HSD17B11: variants seen among roughly 807,000 people sequenced by gnomAD.
The protein encoded by HSD17B11 is hydroxysteroid 17-beta dehydrogenase 11, also known as estradiol 17-beta-dehydrogenase 11.
In HSD17B11, 22 loss-of-function variants were observed where a neutral mutation model predicts 27.8. The observed-to-expected ratio is 0.79, with a 90% confidence interval of 0.56 to 1.13. The LOEUF is 1.13. Ranked by LOEUF, HSD17B11 falls within the 50% of genes most tolerant of loss-of-function variation. HSD17B11 has a pLI of 0.00. For missense variants in HSD17B11, 314 were observed against 351.1 expected, an observed-to-expected ratio of 0.89 and a Z score of 0.84; for synonymous variants, 117 against 132.8, an observed-to-expected ratio of 0.88 and a Z score of 0.82.
At chr4:87,370,445 C>A (rs938989069) in intron 4 of HSD17B11, among the ~76,000 whole-genome samples, 1 of 151,884 alleles carries the variant, frequency 6.6e-6, no homozygotes, top group African/African-American at 2.4e-5. Flanking sequence ...GAGACGAAGT[C>A]TCTCTCTGTT....
intron 4 of HSD17B11, 148 bp from the exon 5 acceptor site, chr4:87,357,564 T>TA: frequency 1.5e-6 from 1 of 648,114 alleles, no homozygotes; most frequent in Non-Finnish European, 2.5e-6. Context: ...GCCCACATCT[T>TA]ACAAGATTCT....
intron 2 of HSD17B11, among the ~76,000 whole-genome samples, chr4:87,380,863 C>CAAAAAAAA (rs561938045): frequency 3.3e-4 from 25 of 74,724 alleles, no homozygotes; most frequent in African/African-American, 9.2e-4. Context: ...GACTCTATCT[C>CAAAAAAAA]AAAAAAAAAA....
At chr4:87,364,037 GA>G (rs915135804) in intron 4 of HSD17B11, among the ~76,000 whole-genome samples, 1 of 152,180 alleles carries the variant, frequency 6.6e-6, no homozygotes, top group Non-Finnish European at 1.5e-5. Context: ...ATTAAAAGTG[GA>G]ATAAGCTATA....
At chr4:87,380,127 CTGATACTAAAA>C (rs1041681534) in intron 2 of HSD17B11, among the ~76,000 whole-genome samples, 10 of 137,366 alleles carry the variant, frequency 7.3e-5, no homozygotes, top group Admixed American at 3.0e-4. Context: ...AAAAAACGTT[CTGATACTAAAA>C]TGATACTAAA....
At chr4:87,365,540 A>G (rs1000421931) in intron 4 of HSD17B11, among the ~76,000 whole-genome samples, 3 of 152,206 alleles carry the variant, frequency 2.0e-5, no homozygotes, top group Non-Finnish European at 2.9e-5. Flanking sequence ...GCCCCTGGCT[A>G]TGCTGGAGAG....
intron 1 of HSD17B11, among the ~76,000 whole-genome samples, chr4:87,383,527 T>C (rs111464629): frequency 0.035 from 5,260 of 152,134 alleles, 335 homozygotes; most frequent in African/African-American, 0.12. Flanking sequence ...TGAGGAAGGA[T>C]GGGAAGGAGC....
chr4:87,379,176 T>C lies in HSD17B11; in HGVS notation c.318+3079A>G, dbSNP rs976783220. 2.7e-5 allele frequency among the ~76,000 whole-genome samples: 4 copies of C among 148,868 alleles called. No individual in the cohort carries two copies. The East Asian group carries it at 7.9e-4, about 29-fold the overall frequency. On this transcript the variant is annotated intron_variant, in intron 2 of 6. Transcript: ENST00000358290. ...TTCATCATATTGGCCAGGCTGGTCTTGAACTCCTGACTTCAGGTGACCATG... is the reference window on the plus strand; with the variant it reads ...TTCATCATATTGGCCAGGCTGGTCTCGAACTCCTGACTTCAGGTGACCATG...
At chr4:87,345,363 G>A (rs1260193826) in intron 5 of HSD17B11, among the ~76,000 whole-genome samples, 1 of 150,838 alleles carries the variant, frequency 6.6e-6, no homozygotes, top group Non-Finnish European at 1.5e-5. Flanking sequence ...ATTAAAAAAA[G>A]AAGAAGATCT....
chr4:87,389,072 C>T (rs1401878788), intron 1 of HSD17B11, among the ~76,000 whole-genome samples: 3 of 152,084 alleles, frequency 2.0e-5, no homozygotes, highest in South Asian at 4.1e-4. Context: ...GCTGTGGAAA[C>T]GTTGAGTAAG....
intron 2 of HSD17B11, 68 bp from the exon 3 acceptor site, chr4:87,374,898 T>C: frequency 8.5e-7 from 1 of 1,183,394 alleles, no homozygotes; most frequent in South Asian, 1.5e-5. Context: ...ACACAATGGC[T>C]ATTTTTTTTT....
chr4:87,367,468 T>G (rs1735632319), intron 4 of HSD17B11, among the ~76,000 whole-genome samples: 1 of 152,180 alleles, frequency 6.6e-6, no homozygotes, highest in African/African-American at 2.4e-5. Context: ...AAGTCTTACC[T>G]GAGATTCCTT....
intron 1 of HSD17B11, among the ~76,000 whole-genome samples, chr4:87,385,617 T>A (rs1368571262): frequency 2.6e-5 from 4 of 152,308 alleles, no homozygotes; most frequent in South Asian, 2.1e-4. Context: ...AAAAGTTTTT[T>A]AAAAGTATAT....
intron 2 of HSD17B11, among the ~76,000 whole-genome samples, chr4:87,378,564 T>C (rs2110128304): frequency 6.6e-6 from 1 of 151,144 alleles, no homozygotes; most frequent in South Asian, 2.1e-4. Flanking sequence ...AAAAATTCTT[T>C]ATGGCTGCTC....
At chr4:87,381,632 A>C (rs1403578453) in intron 2 of HSD17B11, among the ~76,000 whole-genome samples, 4 of 151,222 alleles carry the variant, frequency 2.6e-5, no homozygotes, top group African/African-American at 4.9e-5. Flanking sequence ...GGTGGCACAC[A>C]CCTGTGGTCC....
chr4:87,370,241 A>T (rs1057282013), intron 4 of HSD17B11, among the ~76,000 whole-genome samples: 8 of 152,282 alleles, frequency 5.3e-5, no homozygotes, highest in South Asian at 2.1e-4. Context: ...TCTGGAAGCT[A>T]AAATTAGAGG....
intron 1 of HSD17B11, among the ~76,000 whole-genome samples, chr4:87,389,657 C>T (rs187465931): frequency 1.3e-5 from 2 of 152,308 alleles, no homozygotes; most frequent in East Asian, 1.9e-4. Flanking sequence ...CTTCATCAGC[C>T]ACTCACTGGG....
chr4:87,357,424 T>C lies in HSD17B11; in HGVS notation c.558-8A>G, dbSNP rs1735408767. On this transcript the variant is annotated splice_polypyrimidine_tract_variant and splice_region_variant and intron_variant, in intron 4 of 6. Transcript: ENST00000358290. ...GCAGCAAACTTGCTTGAACTGAAAA[T>C]AGAGAGTTTACAAAATAATTCAAGA... 1.9e-6 allele frequency: 3 copies of C among 1,609,320 alleles called. No individual in the cohort carries two copies. The highest frequency in any genetic ancestry group is 1.7e-6 in the Non-Finnish European group (2 of 1,178,322).
chr4:87,379,860 A>C (rs1039236660), intron 2 of HSD17B11, among the ~76,000 whole-genome samples: 4 of 126,380 alleles, frequency 3.2e-5, no homozygotes, highest in African/African-American at 1.4e-4. Context: ...GTATATGTAT[A>C]TGTATTATAC....
In HSD17B11 at chr4:87,375,109, G is replaced by C. The variant is rs951083478; in HGVS notation, c.319-279C>G. Among the ~76,000 whole-genome samples, 4 of 152,080 alleles carry C rather than the reference G, an allele frequency of 2.6e-5. No individual in the cohort carries two copies. In the South Asian group the frequency reaches 6.2e-4, roughly 24 times the overall value. ...AGATTGGATTTCACCATGTTAGCTAGGCTAGTCTTGAACTCCTGATCTCAA... is the reference window on the plus strand; with the variant it reads ...AGATTGGATTTCACCATGTTAGCTACGCTAGTCTTGAACTCCTGATCTCAA... On this transcript the variant is annotated intron_variant, in intron 2 of 6. Transcript: ENST00000358290.
Sources: gnomAD v4.1 joint callset for allele counts (sites outside exome capture counted in the v4.1 genomes callset) on GRCh38, gnomAD v4.1.1 for gene constraint, MANE v1.5 for transcripts, NCBI Gene and HGNC (gene_info 2026-07-23, HGNC 2026-07-21) for gene names.